The following TXLNB variants were observed in gnomAD, a reference collection of about 807,000 sequenced individuals.
TXLNB encodes beta-taxilin.
TXLNB carries 37 observed loss-of-function variants against 57.4 expected under a neutral mutation model. The ratio of observed to expected loss-of-function variants is 0.64; its 90% CI spans 0.50 to 0.85. The LOEUF (loss-of-function observed/expected upper bound fraction) is 0.85, where lower values mean the gene tolerates loss of function less well. TXLNB is among the 40% of genes least tolerant of loss of function. TXLNB has a pLI of 0.00. For synonymous variants in TXLNB, 302 were observed against 309.6 expected, an observed-to-expected ratio of 0.98 and a Z score of 0.26; for missense variants, 848 against 825.6, an observed-to-expected ratio of 1.03 and a Z score of -0.33.
At chr6:139,302,247 T>C in the TXLNB span, among the ~76,000 whole-genome samples, 1 of 151,402 alleles carries the variant, frequency 6.6e-6, no homozygotes, top group African/African-American at 2.4e-5. Flanking sequence ...TTTAGTTTTG[T>C]GTTAGTAAGA....
At chr6:139,174,672 G>A in the TXLNB span, 1 of 1,333,536 alleles carries the variant, frequency 7.5e-7, no homozygotes, top group Admixed American at 2.7e-5. Flanking sequence ...TACTTGTAAT[G>A]TAGTCATTTA....
chr6:139,266,781 A>T (rs1466177072), intron 4 of TXLNB, among the ~76,000 whole-genome samples: 1 of 152,054 alleles, frequency 6.6e-6, no homozygotes, highest in Non-Finnish European at 1.5e-5. Context: ...GGTACATGTG[A>T]AAAAAACCAC....
intron 7 of TXLNB, among the ~76,000 whole-genome samples, chr6:139,249,979 C>T (rs1776156662): frequency 6.6e-6 from 1 of 151,994 alleles, no homozygotes; most frequent in African/African-American, 2.4e-5. Context: ...CTCTCACACA[C>T]ACACGCATGG....
At chr6:139,263,641 C>T (rs182060730) in intron 4 of TXLNB, among the ~76,000 whole-genome samples, 1 of 151,808 alleles carries the variant, frequency 6.6e-6, no homozygotes, top group East Asian at 1.9e-4. Context: ...CAATGAGCTC[C>T]AATTTCCTCC....
the TXLNB span, among the ~76,000 whole-genome samples, chr6:139,210,201 T>TA: frequency 0.018 from 2,774 of 151,056 alleles, 92 homozygotes; most frequent in African/African-American, 0.064. Flanking sequence ...ATAAAAAATT[T>TA]AAAAAAAAAC....
downstream of TXLNB, chr6:139,237,507 T>TAAAAAAA (rs58158274): frequency 1.3e-5 from 1 of 77,588 alleles, no homozygotes; most frequent in African/African-American, 4.8e-5. Flanking sequence ...AGACTCCATC[T>TAAAAAAA]AAAAAAAAAA....
chr6:139,229,965 C>T, the TXLNB span, among the ~76,000 whole-genome samples: 5 of 152,154 alleles, frequency 3.3e-5, no homozygotes, highest in Admixed American at 2.0e-4. Flanking sequence ...GTTAATGCTT[C>T]GTTGTATTTA....
the TXLNB span, among the ~76,000 whole-genome samples, chr6:139,167,858 C>T: frequency 1.4e-4 from 21 of 151,832 alleles, no homozygotes; most frequent in African/African-American, 2.7e-4. Context: ...GAAGGAGGGG[C>T]GATGGGGAAG....
At chr6:139,214,514 C>G in the TXLNB span, among the ~76,000 whole-genome samples, 4 of 152,236 alleles carry the variant, frequency 2.6e-5, no homozygotes, top group East Asian at 7.7e-4. Context: ...AAACCCATAG[C>G]CAATATCATA....
At chr6:139,244,230 ATTAAT>A (rs1451871601) in intron 9 of TXLNB, among the ~76,000 whole-genome samples, 1 of 152,218 alleles carries the variant, frequency 6.6e-6, no homozygotes, top group African/African-American at 2.4e-5. Flanking sequence ...AAATCAACTA[ATTAAT>A]TTATTCAGCA....
chr6:139,222,185 A>T, the TXLNB span, among the ~76,000 whole-genome samples: 1 of 152,136 alleles, frequency 6.6e-6, no homozygotes, highest in Admixed American at 6.6e-5. Flanking sequence ...ACAACATAAA[A>T]CAAGACTCTA....
At chr6:139,200,762 C>G in the TXLNB span, among the ~76,000 whole-genome samples, 2 of 152,270 alleles carry the variant, frequency 1.3e-5, no homozygotes, top group Admixed American at 1.3e-4. Flanking sequence ...CCAGTCCAGC[C>G]TAAATTTCAT....
At chr6:139,265,463 C>T (rs1460806143) in intron 4 of TXLNB, among the ~76,000 whole-genome samples, 2 of 150,960 alleles carry the variant, frequency 1.3e-5, no homozygotes, top group East Asian at 3.9e-4. Context: ...TGTGTGTGTG[C>T]GTTTGACTCA....
At chr6:139,181,831 T>A in the TXLNB span, among the ~76,000 whole-genome samples, 2 of 152,242 alleles carry the variant, frequency 1.3e-5, no homozygotes, top group African/African-American at 4.8e-5. Context: ...AATGGTACTA[T>A]AACTGCTGTG....
At chr6:139,167,194 C>T in the TXLNB span, 5 of 1,614,086 alleles carry the variant, frequency 3.1e-6, no homozygotes, top group South Asian at 1.1e-5. Context: ...GCCACAGAAA[C>T]GTGGTAAACT....
At chr6:139,262,837 G>T in intron 4 of TXLNB, 64 bp from the exon 5 acceptor site, 1 of 1,535,246 alleles carries the variant, frequency 6.5e-7, no homozygotes, top group Non-Finnish European at 8.9e-7. Flanking sequence ...TCAGCATTAG[G>T]TCACCTAAAG....
chr6:139,278,002 A>G (rs1776943911), intron 2 of TXLNB, among the ~76,000 whole-genome samples: 1 of 152,234 alleles, frequency 6.6e-6, no homozygotes, highest in South Asian at 2.1e-4. Flanking sequence ...GCATATTTGT[A>G]CTAAAAAATG....
At position 139,281,054 on chromosome 6, in the gene TXLNB, AT is replaced by A. The variant is rs556935768; in HGVS notation, c.425-4134del. ...AACTAGTTGAGTGATTTATTTATTT[AT>A]TTTTTTATTTTTTTATTTTTATTAT... On this transcript the variant is annotated intron_variant, in intron 2 of 9. Transcript: ENST00000358430. Among the ~76,000 whole-genome samples, 4 of 151,814 alleles carry A rather than the reference AT, an allele frequency of 2.6e-5. No homozygotes were observed. In the South Asian group the frequency reaches 8.3e-4, roughly 31 times the overall value.
the TXLNB span, among the ~76,000 whole-genome samples, chr6:139,211,740 A>G: frequency 6.6e-6 from 1 of 152,214 alleles, no homozygotes; most frequent in African/African-American, 2.4e-5. Flanking sequence ...GAAAAAAATT[A>G]GACGAATGGA....
Sources: allele counts gnomAD v4.1 joint callset (sites outside exome capture counted in the v4.1 genomes callset), GRCh38; gene constraint gnomAD v4.1.1; transcripts MANE v1.5; gene names NCBI Gene and HGNC (gene_info 2026-07-23, HGNC 2026-07-21).